CCDC180: variants seen among roughly 807,000 people sequenced by gnomAD.
CCDC180 encodes coiled-coil domain-containing protein 180.
A neutral mutation model predicts 209.2 loss-of-function variants in CCDC180; 154 were observed. The observed-to-expected ratio is 0.74, with a 90% CI of 0.65 to 0.84. CCDC180 has a LOEUF of 0.84. Among genes scored for constraint, CCDC180 ranks in the 40% least tolerant of loss-of-function variants. The pLI is 0.00. For synonymous variants in CCDC180, 778 were observed against 749.1 expected, an observed-to-expected ratio of 1.04 and a Z score of -0.63; for missense variants, 1,874 against 1,997.3, an observed-to-expected ratio of 0.94 and a Z score of 1.18.
At chr9:97,352,373 T>A (rs1826444110) in intron 22 of CCDC180, among the ~76,000 whole-genome samples, 1 of 152,116 alleles carries the variant, frequency 6.6e-6, no homozygotes. Context: ...TGGGACCAAT[T>A]CTGTCTGGGC....
intron 2 of CCDC180, 151 bp downstream of exon 2, chr9:97,308,283 T>A: frequency 1.4e-6 from 1 of 694,512 alleles, no homozygotes; most frequent in Non-Finnish European, 2.2e-6. Context: ...TGCTTGTTCT[T>A]AAATCGTACC....
At chr9:97,341,010 A>G (rs1826061687) in intron 18 of CCDC180, among the ~76,000 whole-genome samples, 3 of 152,192 alleles carry the variant, frequency 2.0e-5, no homozygotes, top group Admixed American at 2.0e-4. Flanking sequence ...AATTAGTGAA[A>G]GTACTAAAAG....
rs1239910118 is a variant in CCDC180 at position 97,365,759 on chromosome 9, G to A, written c.4047+20G>A. 6.2e-7 allele frequency: 1 copy of A among 1,611,326 alleles called. No homozygotes were observed. The highest frequency in any genetic ancestry group is 1.7e-5 in the Admixed American group (1 of 60,008). Reference sequence around the variant, plus strand: ...GCAGAGGTGAGGACCACCACCCATGGCCTGTGCCTGCCCTGGAAACCACGC... The same window carrying A: ...GCAGAGGTGAGGACCACCACCCATGACCTGTGCCTGCCCTGGAAACCACGC... On this transcript the variant is annotated intron_variant, in intron 30 of 36. Transcript: ENST00000529487.
chr9:97,354,778 A>T (rs1278200819), intron 23 of CCDC180, 65 bp downstream of exon 23: 13 of 1,598,988 alleles, frequency 8.1e-6, no homozygotes, highest in Non-Finnish European at 1.0e-5. Context: ...ACTCCCTCTG[A>T]AGGGAGGGCC....
rs1405930301 is a variant in CCDC180, at chr9:97,348,117, GGC to G, written c.2674+630_2674+631del. On this transcript the variant is annotated intron_variant, in intron 20 of 36. Coordinates refer to ENST00000529487, the MANE Select transcript of CCDC180 (RefSeq NM_020893.6). ...TATGTGGTGGACTCTGTTAATGCGG[GGC>G]GGGGGGGGGGCATGTTTTCAGTAGG... Among the ~76,000 whole-genome samples, 163 of 23,876 alleles carry G rather than the reference GGC, an allele frequency of 6.8e-3. 1 individual carries two copies. Among genetic ancestry groups the G allele is most frequent in the African/African-American group, 0.064 (147 of 2,302 alleles). The allele number at this position is 23,876 out of a possible 152,430, so 15.7% of individuals were successfully genotyped here. A position where few individuals can be genotyped will look rare whatever the true frequency, so the allele number is the denominator to read the frequency against.
At chr9:97,313,912 G>A (rs1833070646) in intron 5 of CCDC180, among the ~76,000 whole-genome samples, 1 of 152,186 alleles carries the variant, frequency 6.6e-6, no homozygotes, top group Admixed American at 6.5e-5. Context: ...TTTCTGACCT[G>A]TGTTGTCCTG....
Position 97,314,651 on chromosome 9 carries a change from C to A in CCDC180, c.622C>A (p.Arg208=). ...GGAGCTGTGGGATAAGGTGGCCGGG[C>A]GGTTACTGCTCCGGAAGCAGGAGAT... ...LLELWDKVAG[R]LLLRKQEIKE... is the part of the protein sequence containing the mutation. Residue 208 remains arginine (R), a synonymous_variant, in exon 7 of 37, where the codon CGG becomes AGG. Coordinates refer to ENST00000529487, the MANE Select transcript of CCDC180 (RefSeq NM_020893.6). 1 of 1,614,024 alleles carries A rather than the reference C, an allele frequency of 6.2e-7. No individual in the cohort carries two copies. The highest frequency in any genetic ancestry group is 1.1e-5 in the South Asian group (1 of 91,082).
In CCDC180 at chr9:97,325,058, A is replaced by G; in HGVS notation, c.1411A>G (p.Ser471Gly). The change falls in exon 14 of 37, where the codon AGT becomes GGT. Residue 471 changes from serine (S) to glycine (G), a missense_variant. By Grantham distance (56) the Ser-to-Gly change is moderately conservative (BLOSUM62 0). Coordinates refer to ENST00000529487, the MANE Select transcript of CCDC180 (RefSeq NM_020893.6). ...TCTGGCAGATCAGACAGAGTGGCAGAGTTCACACCTCTTCAAGTATTTCCA... is the reference window on the plus strand; with the variant it reads ...TCTGGCAGATCAGACAGAGTGGCAGGGTTCACACCTCTTCAAGTATTTCCA... ...ETLADQTEWQSSHLFKYFQEV... is the reference protein window; with the variant it reads ...ETLADQTEWQGSHLFKYFQEV... The G allele has an allele frequency of 6.2e-7, 1 of 1,614,072 alleles. No individual in the cohort carries two copies. Among genetic ancestry groups the G allele is most frequent in the Non-Finnish European group, 8.5e-7 (1 of 1,179,998 alleles).
chr9:97,377,164 C>T lies in CCDC180; in HGVS notation c.*270C>T, dbSNP rs138753198. ...AGGAATCAGTCACTTCAAATAGGCA[C>T]CAGAGCTTCAAAGGACATCACCTCC... On this transcript the variant is annotated 3_prime_UTR_variant, in exon 37 of 37. Coordinates refer to ENST00000529487, the MANE Select transcript of CCDC180 (RefSeq NM_020893.6). The T allele has an allele frequency of 3.1e-4, 85 of 273,566 alleles. No individual in the cohort carries two copies. The highest frequency in any genetic ancestry group is 1.8e-3 in the African/African-American group (82 of 45,998). The allele number at this position is 273,566 out of a possible 1,614,324, so 16.9% of individuals were successfully genotyped here.
intron 19 of CCDC180, 65 bp downstream of exon 19, chr9:97,343,628 A>T (rs56379689): frequency 0.021 from 6,339 of 299,540 alleles, 193 homozygotes; most frequent in African/African-American, 0.13. Context: ...GTGAAATATT[A>T]AAAAAAAAAA....
chr9:97,374,850 T>A (rs3747490), intron 35 of CCDC180, among the ~76,000 whole-genome samples: 2 of 152,122 alleles, frequency 1.3e-5, no homozygotes, highest in East Asian at 1.9e-4. Context: ...AGGTAGTACC[T>A]GGGGTGCCCC....
At position 97,325,008 on chromosome 9, in the gene CCDC180, T is replaced by C; in HGVS notation, c.1372-11T>C. On this transcript the variant is annotated splice_polypyrimidine_tract_variant and intron_variant, in intron 13 of 36. Transcript: ENST00000529487. ...GCCCTTAAGTCCCTTCTCTGGGCTC[T>C]GCCACTGCAGAAATCCTTCGAGACT... The C allele has an allele frequency of 6.2e-7, 1 of 1,611,826 alleles. No individual in the cohort carries two copies. Among genetic ancestry groups the C allele is most frequent in the Non-Finnish European group, 8.5e-7 (1 of 1,178,888 alleles).
intron 36 of CCDC180, 75 bp from the exon 37 acceptor site, chr9:97,376,688 G>A: frequency 6.6e-7 from 1 of 1,511,238 alleles, no homozygotes; most frequent in Non-Finnish European, 8.9e-7. Context: ...CTGCCAGCAA[G>A]TTACAGCATT....
intron 28 of CCDC180, among the ~76,000 whole-genome samples, 186 bp from the exon 29 acceptor site, chr9:97,363,865 C>T (rs371209141): frequency 7.2e-5 from 11 of 152,150 alleles, no homozygotes; most frequent in Non-Finnish European, 1.0e-4. Context: ...TTTCACCTTA[C>T]GGTAAGGTAG....
chr9:97,316,912 C>T (rs183377885), intron 8 of CCDC180, among the ~76,000 whole-genome samples, 153 bp from the exon 9 acceptor site: 2 of 152,196 alleles, frequency 1.3e-5, no homozygotes, highest in East Asian at 3.9e-4. Flanking sequence ...GCCCACTGAC[C>T]CCTCAGTCCC....
chr9:97,363,620 C>T (rs1826830755), intron 28 of CCDC180: 1 of 534,766 alleles, frequency 1.9e-6, no homozygotes, highest in African/African-American at 1.9e-5. Flanking sequence ...GTCCCAAATA[C>T]TGCATGTGAT....
intron 29 of CCDC180, among the ~76,000 whole-genome samples, chr9:97,364,881 G>A (rs542227490): frequency 5.9e-5 from 9 of 152,088 alleles, no homozygotes; most frequent in Non-Finnish European, 1.2e-4. Flanking sequence ...TCAGCTAATC[G>A]AGGCACTGCC....
chr9:97,376,034 C>T (rs1033148579), intron 36 of CCDC180: 4 of 176,292 alleles, frequency 2.3e-5, no homozygotes, highest in African/African-American at 9.4e-5. Context: ...ATCCTCCTAA[C>T]AACTCCACAA....
At position 97,365,730 on chromosome 9, in the gene CCDC180, A is replaced by G. The variant is rs369710921; in HGVS notation, c.4038A>G (p.Thr1346=). The change falls in exon 30 of 37, where the codon ACA becomes ACG. Residue 1346 remains threonine, a synonymous_variant. Coordinates refer to ENST00000529487, the MANE Select transcript of CCDC180 (RefSeq NM_020893.6). The part of the protein sequence containing the change: ...LLWESSENLL[T]VAEEFYRKEK... ...GGGAGAGCAGTGAGAACCTGCTGAC[A>G]GTCGCAGAGGTGAGGACCACCACCC... 1.5e-5 allele frequency: 24 copies of G among 1,613,924 alleles called. No individual in the cohort carries two copies. Among genetic ancestry groups the G allele is most frequent in the East Asian group, 4.5e-5 (2 of 44,894 alleles).
Sources: gnomAD v4.1 joint callset for allele counts (sites outside exome capture counted in the v4.1 genomes callset) on GRCh38, gnomAD v4.1.1 for gene constraint, MANE v1.5 for transcripts, NCBI Gene and HGNC (gene_info 2026-07-23, HGNC 2026-07-21) for gene names.